The following EPB41L4A variants were observed in gnomAD, a reference collection of about 807,000 sequenced individuals.
EPB41L4A encodes band 4.1-like protein 4A.
A neutral mutation model predicts 108.6 loss-of-function variants in EPB41L4A; 100 were observed. The observed-to-expected ratio is 0.92, with a 90% CI of 0.78 to 1.09. The LOEUF (loss-of-function observed/expected upper bound fraction) is 1.09. EPB41L4A is among the 50% of genes least tolerant of loss of function. The pLI, the probability that EPB41L4A is intolerant of heterozygous loss-of-function variation, is 0.00. For synonymous variants in EPB41L4A, 319 were observed against 289.0 expected, an observed-to-expected ratio of 1.10 and a Z score of -1.05; for missense variants, 1,030 against 842.7, an observed-to-expected ratio of 1.22 and a Z score of -2.75.
intron 1 of EPB41L4A, among the ~76,000 whole-genome samples, chr5:112,346,216 ATTTTTTTTTTTTTT>A (rs561328868): frequency 0.09 from 6,095 of 67,730 alleles, 492 homozygotes; most frequent in African/African-American, 0.2. Context: ...GGTACATTGC[ATTTTTTTTTTTTTT>A]TTTTTTTTTT....
Position 112,346,216 on chromosome 5 carries a change from A to ATTTTTTTTTTTTTTT in EPB41L4A, c.100-38741_100-38727dup, listed in dbSNP as rs561328868. 5.8e-3 allele frequency among the ~76,000 whole-genome samples: 388 copies of ATTTTTTTTTTTTTTT among 67,344 alleles called. 87 individuals are homozygous for ATTTTTTTTTTTTTTT. Among genetic ancestry groups the ATTTTTTTTTTTTTTT allele is most frequent in the Non-Finnish European group, 9.4e-3 (305 of 32,334 alleles). The allele number at this position is 67,344 out of a possible 152,430, so 44.2% of individuals were successfully genotyped here. A position where few individuals can be genotyped will look rare whatever the true frequency, so the allele number is the denominator to read the frequency against. On this transcript the variant is annotated intron_variant, in intron 1 of 22. Transcript: ENST00000261486. ...AATTCTTTAAAGTTAGGTACATTGC[A>ATTTTTTTTTTTTTTT]TTTTTTTTTTTTTTTTTTTTTTTTT...
At chr5:112,377,237 T>C (rs1180510580) in intron 1 of EPB41L4A, among the ~76,000 whole-genome samples, 1 of 143,246 alleles carries the variant, frequency 7.0e-6, no homozygotes, top group South Asian at 2.3e-4. Flanking sequence ...AAAAAGACAA[T>C]ATGTGGAATC....
At chr5:112,332,292 G>A (rs568401431) in intron 1 of EPB41L4A, among the ~76,000 whole-genome samples, 1 of 152,222 alleles carries the variant, frequency 6.6e-6, no homozygotes, top group South Asian at 2.1e-4. Context: ...AATTATTCTT[G>A]ATGAAACATA....
At chr5:112,230,658 T>C (rs114985786) in intron 12 of EPB41L4A, among the ~76,000 whole-genome samples, 3,844 of 152,290 alleles carry the variant, frequency 0.025, 167 homozygotes, top group African/African-American at 0.088. Flanking sequence ...TTGCGAATAT[T>C]TTCTCCCAGT....
intron 12 of EPB41L4A, among the ~76,000 whole-genome samples, chr5:112,230,840 A>G (rs1265396689): frequency 1.3e-5 from 2 of 152,204 alleles, no homozygotes; most frequent in African/African-American, 4.8e-5. Flanking sequence ...GTTATCTTCT[A>G]GAGTTTTTAT....
intron 1 of EPB41L4A, among the ~76,000 whole-genome samples, chr5:112,328,248 A>G (rs6894358): frequency 0.22 from 33,655 of 151,818 alleles, 5,089 homozygotes; most frequent in African/African-American, 0.43. Flanking sequence ...GGCAGAGGTT[A>G]CAGTAGGCCA....
At chr5:112,379,369 G>C (rs1312884355) in intron 1 of EPB41L4A, among the ~76,000 whole-genome samples, 1 of 152,096 alleles carries the variant, frequency 6.6e-6, no homozygotes, top group East Asian at 1.9e-4. Flanking sequence ...CAAAGCCTGA[G>C]TATAACATCA....
chr5:112,282,374 T>A (rs1275314094), intron 2 of EPB41L4A, among the ~76,000 whole-genome samples: 3 of 152,338 alleles, frequency 2.0e-5, no homozygotes, highest in Admixed American at 6.5e-5. Context: ...AATTTTCCAA[T>A]GAAGAGAAAA....
intron 4 of EPB41L4A, among the ~76,000 whole-genome samples, chr5:112,268,213 C>T (rs1752001859): frequency 6.6e-6 from 1 of 152,180 alleles, no homozygotes; most frequent in Non-Finnish European, 1.5e-5. Flanking sequence ...GAAACTCTTT[C>T]TCTATTAAAA....
intron 1 of EPB41L4A, among the ~76,000 whole-genome samples, chr5:112,406,650 G>A (rs1457985215): frequency 2.0e-5 from 3 of 152,058 alleles, no homozygotes; most frequent in Non-Finnish European, 2.9e-5. Context: ...GAGAAGGGAA[G>A]GGCGCAGTTA....
chr5:112,363,647 T>G (rs566734113), intron 1 of EPB41L4A: 1 of 152,360 alleles, frequency 6.6e-6, no homozygotes, highest in Non-Finnish European at 1.5e-5. Context: ...CTGCACAATC[T>G]TGGGGTCAGT....
At position 112,346,548 on chromosome 5, in the gene EPB41L4A, C is replaced by T. The variant is rs184556248; in HGVS notation, c.100-39058G>A. 6.6e-5 allele frequency among the ~76,000 whole-genome samples: 10 copies of T among 152,082 alleles called. No homozygotes were observed. The East Asian group carries it at 1.9e-3, about 29-fold the overall frequency. On this transcript the variant is annotated intron_variant, in intron 1 of 22. Coordinates refer to ENST00000261486, the MANE Select transcript of EPB41L4A (RefSeq NM_022140.5). ...GTATGCTCTTACCTAACAAAAGAAA[C>T]CAAAAGTGAAAGAACTAATAAAATG...
At chr5:112,364,083 A>G (rs990223046) in intron 1 of EPB41L4A, among the ~76,000 whole-genome samples, 1 of 152,226 alleles carries the variant, frequency 6.6e-6, no homozygotes, top group Admixed American at 6.5e-5. Context: ...GCTGGAGTGC[A>G]GTGGCGCAAC....
intron 17 of EPB41L4A, among the ~76,000 whole-genome samples, chr5:112,184,370 T>G (rs1390530758): frequency 6.6e-6 from 1 of 152,214 alleles, no homozygotes; most frequent in African/African-American, 2.4e-5. Flanking sequence ...AGACTTCTGA[T>G]TTTAATTTTC....
At chr5:112,203,562 G>A (rs1213072527) in intron 15 of EPB41L4A, among the ~76,000 whole-genome samples, 1 of 152,034 alleles carries the variant, frequency 6.6e-6, no homozygotes, top group African/African-American at 2.4e-5. Context: ...TTCCAGCTAA[G>A]AACTTTTTAA....
chr5:112,396,169 G>A (rs555874772), intron 1 of EPB41L4A, among the ~76,000 whole-genome samples: 6 of 151,844 alleles, frequency 4.0e-5, no homozygotes, highest in South Asian at 4.2e-4. Flanking sequence ...TAATGGGTGC[G>A]GCAAACCAAC....
At chr5:112,177,464 A>G (rs905501106) in intron 18 of EPB41L4A, among the ~76,000 whole-genome samples, 3 of 152,192 alleles carry the variant, frequency 2.0e-5, no homozygotes, top group Non-Finnish European at 4.4e-5. Flanking sequence ...TCCACCTGCA[A>G]TCTTAACTCC....
At chr5:112,168,885 A>T in intron 21 of EPB41L4A, 65 bp from the exon 22 acceptor site, 1 of 1,507,560 alleles carries the variant, frequency 6.6e-7, no homozygotes, top group Non-Finnish European at 9.2e-7. Flanking sequence ...TTAAGTTGGA[A>T]GAGAACTACA....
chr5:112,258,867 T>G (rs773121777), intron 9 of EPB41L4A, among the ~76,000 whole-genome samples: 1 of 152,344 alleles, frequency 6.6e-6, no homozygotes, highest in East Asian at 1.9e-4. Context: ...AAAATTAGAA[T>G]GCATTTTGGC....
Sources: allele counts gnomAD v4.1 joint callset (sites outside exome capture counted in the v4.1 genomes callset), GRCh38; gene constraint gnomAD v4.1.1; transcripts MANE v1.5; gene names NCBI Gene and HGNC (gene_info 2026-07-23, HGNC 2026-07-21).